Variants in COL24A1 observed in about 807,000 individuals in gnomAD.
The protein encoded by COL24A1 is collagen alpha-1(XXIV) chain.
COL24A1 carries 224 observed loss-of-function variants against 253.9 expected under a neutral mutation model. That is an observed-to-expected ratio of 0.88 (90% confidence interval 0.79 to 0.99). The LOEUF (loss-of-function observed/expected upper bound fraction) is 0.99. Among genes scored for constraint, COL24A1 ranks in the 50% least tolerant of loss-of-function variants. The probability of loss-of-function intolerance (pLI) is 0.00; values close to 1 mark genes in which losing one functional copy is unlikely to be tolerated. For synonymous variants in COL24A1, 685 were observed against 673.7 expected, an observed-to-expected ratio of 1.02 and a Z score of -0.26; for missense variants, 2,131 against 2,068.5, an observed-to-expected ratio of 1.03 and a Z score of -0.59.
At chr1:86,045,986 C>T in intron 12 of COL24A1, 2 of 307,206 alleles carry the variant, frequency 6.5e-6, no homozygotes, top group Middle Eastern at 8.3e-4. Flanking sequence ...CCACTTTTAA[C>T]TATCTGATCT....
In COL24A1 at chr1:86,124,895, T is replaced by C. The variant is rs10493784; in HGVS notation, c.1441A>G (p.Met481Val). 8,767 of 1,605,452 alleles carry C rather than the reference T, an allele frequency of 5.5e-3. 40 individuals carry two copies. The highest frequency in any genetic ancestry group is 6.4e-3 in the Non-Finnish European group (7,547 of 1,177,248). ...DYYYYEDLNT[M>V]LEMEYLRGPK... ...CCTCTCAGATACTCCATTTCAAGCA[T>C]TGTATTTAGATCCTCATAATAATAA... is the stretch of plus-strand genomic sequence containing the variant. Residue 481 changes from methionine (M) to valine (V), a missense_variant, in exon 3 of 60, where the codon ATG (methionine) becomes GTG (valine). Transcript: ENST00000370571.
intron 3 of COL24A1, among the ~76,000 whole-genome samples, chr1:86,119,474 T>G (rs11161744): frequency 6.6e-6 from 1 of 151,986 alleles, no homozygotes; most frequent in Non-Finnish European, 1.5e-5. Context: ...CTTTTTTATG[T>G]TCTACAACCA....
chr1:85,834,762 A>C (rs12760458), intron 43 of COL24A1, among the ~76,000 whole-genome samples: 56,918 of 152,012 alleles, frequency 0.37, 11,344 homozygotes, highest in Non-Finnish European at 0.43. Context: ...ATACCTTTAA[A>C]AAGTGGCTGT....
At chr1:85,999,361 A>G (rs1571542112) in intron 19 of COL24A1, among the ~76,000 whole-genome samples, 1 of 152,156 alleles carries the variant, frequency 6.6e-6, no homozygotes, top group South Asian at 2.1e-4. Context: ...GCAGTGGCTC[A>G]CACCTGTAGT....
chr1:85,805,041 A>G (rs543809595), intron 47 of COL24A1, among the ~76,000 whole-genome samples: 88 of 152,216 alleles, frequency 5.8e-4, no homozygotes, highest in African/African-American at 2.0e-3. Context: ...GGGTCTTGCT[A>G]TATCGCCCAG....
chr1:85,731,603 T>C (rs1039876649), intron 59 of COL24A1, among the ~76,000 whole-genome samples: 2 of 152,180 alleles, frequency 1.3e-5, no homozygotes, highest in African/African-American at 4.8e-5. Flanking sequence ...ATATTTAGCA[T>C]AGTTGAATAA....
chr1:85,885,415 A>G (rs1682384127), intron 32 of COL24A1, among the ~76,000 whole-genome samples: 1 of 116,766 alleles, frequency 8.6e-6, no homozygotes, highest in Non-Finnish European at 1.9e-5. Flanking sequence ...TTTAAGTAGA[A>G]ACTAAATGTT....
At chr1:86,077,347 G>A (rs1412562304) in intron 7 of COL24A1, among the ~76,000 whole-genome samples, 1 of 152,186 alleles carries the variant, frequency 6.6e-6, no homozygotes, top group Non-Finnish European at 1.5e-5. Flanking sequence ...AACAGATGCT[G>A]GAGAGGATGT....
intron 47 of COL24A1, among the ~76,000 whole-genome samples, chr1:85,814,518 G>A (rs1409932528): frequency 6.6e-6 from 1 of 152,148 alleles, no homozygotes; most frequent in African/African-American, 2.4e-5. Flanking sequence ...GATAATCAGT[G>A]CCACATTGCA....
intron 24 of COL24A1, among the ~76,000 whole-genome samples, chr1:85,924,570 C>A (rs1686957852): frequency 6.6e-6 from 1 of 152,100 alleles, no homozygotes; most frequent in Non-Finnish European, 1.5e-5. Context: ...CAACAAAAAC[C>A]ACATGATTAT....
At chr1:86,072,043 C>A (rs969738993) in intron 7 of COL24A1, among the ~76,000 whole-genome samples, 1 of 152,220 alleles carries the variant, frequency 6.6e-6, no homozygotes, top group Non-Finnish European at 1.5e-5. Flanking sequence ...CGGACGCCTA[C>A]ACCACCAAGG....
In COL24A1 at chr1:85,806,025, G is replaced by A. The variant is rs369190831; in HGVS notation, c.3951+10763C>T. 6.0e-5 allele frequency among the ~76,000 whole-genome samples: 9 copies of A among 150,646 alleles called. No homozygotes were observed. In the South Asian group the frequency reaches 1.9e-3, roughly 31 times the overall value. On this transcript the variant is annotated intron_variant, in intron 47 of 59. Coordinates refer to ENST00000370571, the MANE Select transcript of COL24A1 (RefSeq NM_152890.7). ...AAGGGGGCGGAGCTTGCAGTGAGCG[G>A]AGATCGCGCCACTGCACTCCAGGTT... is the stretch of plus-strand genomic sequence containing the variant.
chr1:86,022,387 G>A, intron 17 of COL24A1, 94 bp from the exon 18 acceptor site: 1 of 1,406,612 alleles, frequency 7.1e-7, no homozygotes, highest in Non-Finnish European at 1.0e-6. Flanking sequence ...CATAAAGTAT[G>A]CTAAAATATT....
intron 43 of COL24A1, among the ~76,000 whole-genome samples, chr1:85,825,583 C>G (rs1439402494): frequency 6.6e-6 from 1 of 151,216 alleles, no homozygotes; most frequent in Non-Finnish European, 1.5e-5. Flanking sequence ...TCTCCAGCAC[C>G]TGTTGTTTCC....
At chr1:85,944,592 CTCT>C (rs1287041209) in intron 24 of COL24A1, among the ~76,000 whole-genome samples, 1 of 67,144 alleles carries the variant, frequency 1.5e-5, no homozygotes, top group East Asian at 5.2e-4. Flanking sequence ...AGAGAAGAGA[CTCT>C]TTTTTTTTTA....
intron 57 of COL24A1, 25 bp from the exon 58 acceptor site, chr1:85,737,530 A>G: frequency 6.8e-7 from 1 of 1,468,278 alleles, no homozygotes; most frequent in South Asian, 1.2e-5. Flanking sequence ...TAAAACATAA[A>G]GTTAAAGTTA....
At chr1:86,135,844 C>T (rs978380786) in intron 2 of COL24A1, among the ~76,000 whole-genome samples, 4 of 151,938 alleles carry the variant, frequency 2.6e-5, no homozygotes, top group African/African-American at 9.7e-5. Flanking sequence ...GCTGCTTTTC[C>T]TTACATGTTT....
intron 2 of COL24A1, among the ~76,000 whole-genome samples, chr1:86,137,190 A>G (rs1650383997): frequency 6.6e-6 from 1 of 152,192 alleles, no homozygotes; most frequent in Non-Finnish European, 1.5e-5. Flanking sequence ...GTGGCCCTAT[A>G]TAAAAAATCA....
intron 8 of COL24A1, among the ~76,000 whole-genome samples, chr1:86,062,182 G>T (rs1184386188): frequency 6.6e-6 from 1 of 151,828 alleles, no homozygotes; most frequent in African/African-American, 2.4e-5. Flanking sequence ...AAATAATAAG[G>T]GCTGTAAGTA....
Sources: allele counts gnomAD v4.1 joint callset (sites outside exome capture counted in the v4.1 genomes callset), GRCh38; gene constraint gnomAD v4.1.1; transcripts MANE v1.5; gene names NCBI Gene and HGNC (gene_info 2026-07-23, HGNC 2026-07-21).